Variants in LPP observed in about 807,000 individuals in gnomAD.
LPP encodes lipoma-preferred partner.
LPP carries 38 observed loss-of-function variants against 60.4 expected under a neutral mutation model. That is an observed-to-expected ratio of 0.63 (90% CI 0.49 to 0.83). LPP has a LOEUF of 0.83. LPP is among the 40% of genes least tolerant of loss of function. LPP has a pLI of 0.00. For missense variants in LPP, 902 were observed against 783.6 expected, an observed-to-expected ratio of 1.15 and a Z score of -1.80; for synonymous variants, 328 against 290.8, an observed-to-expected ratio of 1.13 and a Z score of -1.30.
At chr3:188,700,793 T>G (rs952307514) in intron 7 of LPP, among the ~76,000 whole-genome samples, 6 of 152,208 alleles carry the variant, frequency 3.9e-5, no homozygotes. Context: ...ACTTACTCAG[T>G]GTGTCTATTT....
At chr3:188,388,329 T>C (rs1778857198) in intron 3 of LPP, among the ~76,000 whole-genome samples, 1 of 152,184 alleles carries the variant, frequency 6.6e-6, no homozygotes, top group African/African-American at 2.4e-5. Context: ...AACTCTCAGG[T>C]CAATTATTCT....
chr3:188,171,699 G>T (rs1456035886), intron 1 of LPP, among the ~76,000 whole-genome samples: 2 of 152,186 alleles, frequency 1.3e-5, no homozygotes, highest in African/African-American at 4.8e-5. Context: ...ACACTTAGTG[G>T]AAACAACAGT....
Position 188,874,521 on chromosome 3 carries a change from A to C in LPP, c.*42A>C. The C allele has an allele frequency of 6.3e-7, 1 of 1,598,116 alleles. No individual in the cohort carries two copies. Among genetic ancestry groups the C allele is most frequent in the Non-Finnish European group, 8.6e-7 (1 of 1,168,262 alleles). The stretch of plus-strand genomic sequence containing the variant: ...AGCCGGCACTGAGAAGAACGAACAC[A>C]AGAAAAAGATAAGAAATACTAGAGT... On this transcript the variant is annotated 3_prime_UTR_variant, in exon 12 of 12. Transcript: ENST00000617246.
intron 8 of LPP, among the ~76,000 whole-genome samples, chr3:188,720,702 T>C (rs1214330111): frequency 6.6e-6 from 1 of 152,176 alleles, no homozygotes; most frequent in African/African-American, 2.4e-5. Context: ...GTTAGTCATG[T>C]TGTATTTAAT....
chr3:188,493,327 A>G (rs962435526), intron 5 of LPP, among the ~76,000 whole-genome samples: 4 of 151,896 alleles, frequency 2.6e-5, no homozygotes, highest in Non-Finnish European at 5.9e-5. Context: ...CAGTTTAGTA[A>G]ATTTTTCTTG....
At position 188,420,750 on chromosome 3, in the gene LPP, A is replaced by C. The variant is rs554517150; in HGVS notation, c.193+14437A>C. The stretch of plus-strand genomic sequence containing the variant: ...TTATATTGTTGCTGCTTGAATAAAC[A>C]AAACAGGTTTTTATTTCTGCTCTTA... On this transcript the variant is annotated intron_variant, in intron 4 of 11. Coordinates refer to ENST00000617246, the MANE Select transcript of LPP (RefSeq NM_001375462.1). Among the ~76,000 whole-genome samples the C allele has an allele frequency of 2.6e-3, 389 of 152,306 alleles. 1 individual carries two copies. Among genetic ancestry groups the C allele is most frequent in the African/African-American group, 8.8e-3 (366 of 41,582 alleles).
chr3:188,514,688 C>T lies in LPP; in HGVS notation c.307-9977C>T, dbSNP rs140134652. Among the ~76,000 whole-genome samples, 1,380 of 152,242 alleles carry T rather than the reference C, an allele frequency of 9.1e-3. 23 individuals carry two copies. Among genetic ancestry groups the T allele is most frequent in the African/African-American group, 0.031 (1,307 of 41,528 alleles). On this transcript the variant is annotated intron_variant, in intron 5 of 11. Transcript: ENST00000617246. ...AACTCCTGACCTCAGGTGATCCTCC[C>T]GCCTCAGCCTCCCAAGGTGTTGGGA...
chr3:188,198,658 T>A (rs766988217), intron 1 of LPP, among the ~76,000 whole-genome samples: 20 of 152,248 alleles, frequency 1.3e-4, no homozygotes, highest in Middle Eastern at 3.2e-3. Flanking sequence ...ACAGAGCGAC[T>A]GGGGCTGTTG....
intron 9 of LPP, among the ~76,000 whole-genome samples, chr3:188,864,349 T>G (rs565192294): frequency 6.6e-6 from 1 of 152,358 alleles, no homozygotes; most frequent in East Asian, 1.9e-4. Context: ...CATTCGTTCA[T>G]TCTTTTTGTA....
At chr3:188,156,438 T>C (rs1223148130) in intron 1 of LPP, among the ~76,000 whole-genome samples, 1 of 152,070 alleles carries the variant, frequency 6.6e-6, no homozygotes, top group Non-Finnish European at 1.5e-5. Flanking sequence ...AATTCATCAT[T>C]TGAGGGTTTT....
At chr3:188,653,417 T>C (rs1156957410) in intron 7 of LPP, among the ~76,000 whole-genome samples, 1 of 152,210 alleles carries the variant, frequency 6.6e-6, no homozygotes, top group South Asian at 2.1e-4. Context: ...ATAGGTGTAA[T>C]AGAAATTTTG....
At chr3:188,864,897 A>T (rs148270696) in intron 9 of LPP, among the ~76,000 whole-genome samples, 131 of 152,328 alleles carry the variant, frequency 8.6e-4, no homozygotes, top group African/African-American at 3.1e-3. Context: ...GGGCAAGGGG[A>T]GTATTATAAG....
intron 7 of LPP, among the ~76,000 whole-genome samples, chr3:188,652,436 T>C (rs2148987134): frequency 6.6e-6 from 1 of 152,330 alleles, no homozygotes; most frequent in East Asian, 1.9e-4. Flanking sequence ...CATGGTTTTC[T>C]CCTTCTCAGG....
intron 7 of LPP, among the ~76,000 whole-genome samples, chr3:188,649,003 T>C: frequency 6.6e-6 from 1 of 152,220 alleles, no homozygotes; most frequent in East Asian, 1.9e-4. Flanking sequence ...TTCTGGCATA[T>C]GAAGTGTTTG....
chr3:188,736,591 A>G (rs1431812569), intron 8 of LPP, among the ~76,000 whole-genome samples: 1 of 152,090 alleles, frequency 6.6e-6, no homozygotes, highest in Non-Finnish European at 1.5e-5. Flanking sequence ...TTATTTTACA[A>G]TATTTCTCAA....
chr3:188,708,191 G>A (rs933465803), intron 7 of LPP, 76 bp from the exon 8 acceptor site: 14 of 1,546,746 alleles, frequency 9.1e-6, no homozygotes, highest in East Asian at 4.5e-5. Flanking sequence ...CAGTGCAATC[G>A]CTGCTTGTTT....
At position 188,395,475 on chromosome 3, in the gene LPP, A is replaced by G. The variant is rs1780715628; in HGVS notation, c.-9-10637A>G. Among the ~76,000 whole-genome samples, 3 of 152,010 alleles carry G rather than the reference A, an allele frequency of 2.0e-5. No individual in the cohort carries two copies. The South Asian group carries it at 6.2e-4, about 32-fold the overall frequency. ...GATCTCGAACTCCAGGCCTCAAGCA[A>G]TCCAGGGTCTCCTCCCAAAGTGCTA... is the stretch of plus-strand genomic sequence containing the variant. On this transcript the variant is annotated intron_variant, in intron 3 of 11. Transcript: ENST00000617246.
intron 5 of LPP, among the ~76,000 whole-genome samples, chr3:188,503,875 TTTGTC>T (rs1256702678): frequency 6.6e-6 from 1 of 152,234 alleles, no homozygotes; most frequent in Non-Finnish European, 1.5e-5. Context: ...TCCGGTTGTC[TTTGTC>T]TTTTGACAGT....
intron 6 of LPP, among the ~76,000 whole-genome samples, chr3:188,576,731 G>C (rs1834707889): frequency 6.6e-6 from 1 of 152,190 alleles, no homozygotes; most frequent in Admixed American, 6.6e-5. Flanking sequence ...CAAAATGAGA[G>C]TAATCAGGGA....
Sources: gnomAD v4.1 joint callset for allele counts (sites outside exome capture counted in the v4.1 genomes callset) on GRCh38, gnomAD v4.1.1 for gene constraint, MANE v1.5 for transcripts, NCBI Gene and HGNC (gene_info 2026-07-23, HGNC 2026-07-21) for gene names.